Variants in LSAMP observed in about 807,000 individuals in gnomAD.
The protein encoded by LSAMP is limbic system-associated membrane protein.
LSAMP carries 7 observed loss-of-function variants against 38.6 expected under a neutral mutation model. That is an observed-to-expected ratio of 0.18 (90% CI 0.10 to 0.34). The LOEUF (loss-of-function observed/expected upper bound fraction) is 0.34. Among genes scored for constraint, LSAMP ranks in the 10% least tolerant of loss-of-function variants. The pLI is 1.00. For missense variants in LSAMP, 313 were observed against 420.0 expected (o/e 0.75, Z 2.23); for synonymous variants, 154 against 166.8 (o/e 0.92, Z 0.59).
At chr3:116,266,829 G>A (rs994525370) in intron 1 of LSAMP, among the ~76,000 whole-genome samples, 23 of 152,062 alleles carry the variant, frequency 1.5e-4, no homozygotes, top group Non-Finnish European at 2.2e-4. Context: ...ATTACAAAGC[G>A]TAAACAGGAA....
intron 1 of LSAMP, among the ~76,000 whole-genome samples, chr3:116,427,692 C>T (rs2049222226): frequency 6.6e-6 from 1 of 152,066 alleles, no homozygotes; most frequent in Admixed American, 6.6e-5. Flanking sequence ...CTCGGAATGG[C>T]CCGTGCAAGT....
intron 2 of LSAMP, among the ~76,000 whole-genome samples, chr3:116,066,689 GA>G (rs1707446056): frequency 6.6e-6 from 1 of 152,086 alleles, no homozygotes; most frequent in Non-Finnish European, 1.5e-5. Context: ...TTGACCTTAA[GA>G]AATTTGCAAT....
chr3:116,003,358 A>G (rs1393514990), intron 3 of LSAMP, among the ~76,000 whole-genome samples: 1 of 152,220 alleles, frequency 6.6e-6, no homozygotes, highest in African/African-American at 2.4e-5. Context: ...CTCTTCTCAG[A>G]TTATTTGACA....
intron 1 of LSAMP, among the ~76,000 whole-genome samples, chr3:116,397,956 T>C (rs2048790528): frequency 6.6e-6 from 1 of 151,980 alleles, no homozygotes; most frequent in African/African-American, 2.4e-5. Context: ...GCTTTTTATA[T>C]TGTTTTGTAG....
chr3:116,254,522 T>G (rs1288974071), intron 1 of LSAMP, among the ~76,000 whole-genome samples: 2 of 152,100 alleles, frequency 1.3e-5, no homozygotes, highest in African/African-American at 4.8e-5. Flanking sequence ...GTTAGGGTGG[T>G]TTCCACCATA....
chr3:115,834,481 C>T (rs1934718992), intron 6 of LSAMP: 15 of 1,023,690 alleles, frequency 1.5e-5, no homozygotes, highest in Admixed American at 4.7e-5. Flanking sequence ...AATGTGTTTT[C>T]CCCCCTTTGT....
intron 1 of LSAMP, among the ~76,000 whole-genome samples, chr3:116,431,841 G>A (rs2049285629): frequency 6.6e-6 from 1 of 151,962 alleles, no homozygotes; most frequent in Admixed American, 6.5e-5. Flanking sequence ...TAGAAATTTA[G>A]TATGGACTTG....
chr3:116,338,688 T>C (rs908174462), intron 1 of LSAMP, among the ~76,000 whole-genome samples: 31 of 152,014 alleles, frequency 2.0e-4, no homozygotes, highest in Non-Finnish European at 2.4e-4. Flanking sequence ...AAGGAGTTAA[T>C]AGATTTTATC....
chr3:116,154,707 C>A (rs1316762994), intron 1 of LSAMP, among the ~76,000 whole-genome samples: 6 of 152,114 alleles, frequency 3.9e-5, no homozygotes, highest in Non-Finnish European at 8.8e-5. Flanking sequence ...CTTCCCCCAT[C>A]CCTACTCATT....
intron 1 of LSAMP, among the ~76,000 whole-genome samples, chr3:116,333,533 CAAAAA>C (rs35890184): frequency 1.2e-5 from 1 of 85,612 alleles, no homozygotes. Flanking sequence ...GGTTCCATCT[CAAAAA>C]AAAAAAAAAA....
At chr3:116,133,684 G>C (rs1709184314) in intron 1 of LSAMP, among the ~76,000 whole-genome samples, 1 of 152,010 alleles carries the variant, frequency 6.6e-6, no homozygotes, top group South Asian at 2.1e-4. Context: ...CCATAGCTAG[G>C]CATTATTCTA....
chr3:116,171,817 A>G (rs1219157290), intron 1 of LSAMP, among the ~76,000 whole-genome samples: 2 of 151,986 alleles, frequency 1.3e-5, no homozygotes, highest in Admixed American at 1.3e-4. Context: ...TTTAGACAGG[A>G]GCAAAAGAGA....
At chr3:116,212,669 C>T (rs1384903069) in intron 1 of LSAMP, among the ~76,000 whole-genome samples, 1 of 152,016 alleles carries the variant, frequency 6.6e-6, no homozygotes, top group Non-Finnish European at 1.5e-5. Context: ...ATGTAGGAAC[C>T]TTATAAAAAT....
At chr3:116,326,914 A>C (rs145694306) in intron 1 of LSAMP, among the ~76,000 whole-genome samples, 1 of 152,252 alleles carries the variant, frequency 6.6e-6, no homozygotes, top group African/African-American at 2.4e-5. Flanking sequence ...AGCACAAAGC[A>C]GGAATTCAAG....
At chr3:115,937,686 A>T (rs1184897515) in intron 3 of LSAMP, among the ~76,000 whole-genome samples, 1 of 152,084 alleles carries the variant, frequency 6.6e-6, no homozygotes, top group Non-Finnish European at 1.5e-5. Context: ...TTATGTAAAA[A>T]TTTTAAATAC....
intron 1 of LSAMP, among the ~76,000 whole-genome samples, chr3:116,337,451 G>A (rs1431679909): frequency 1.3e-5 from 2 of 151,886 alleles, no homozygotes; most frequent in African/African-American, 4.8e-5. Context: ...AATTATAACA[G>A]CCATTTGGAC....
chr3:116,009,408 G>A (rs898933386), intron 3 of LSAMP, among the ~76,000 whole-genome samples: 3 of 151,992 alleles, frequency 2.0e-5, no homozygotes, highest in African/African-American at 4.8e-5. Flanking sequence ...CCTTCCAATC[G>A]TCTTGGCAAT....
chr3:116,421,595 C>T (rs1245690548), intron 1 of LSAMP, among the ~76,000 whole-genome samples: 1 of 148,590 alleles, frequency 6.7e-6, no homozygotes, highest in African/African-American at 2.5e-5. Flanking sequence ...TAATAAGGAA[C>T]AAAATTCTCA....
chr3:116,045,183 G>T (rs1035827355), intron 2 of LSAMP, among the ~76,000 whole-genome samples: 3 of 152,172 alleles, frequency 2.0e-5, no homozygotes, highest in Admixed American at 2.0e-4. Flanking sequence ...TAAGCAAGAT[G>T]AAACTCCAAA....
Sources: allele counts gnomAD v4.1 joint callset (sites outside exome capture counted in the v4.1 genomes callset), GRCh38; gene constraint gnomAD v4.1.1; transcripts MANE v1.5; gene names NCBI Gene and HGNC (gene_info 2026-07-23, HGNC 2026-07-21).